ANKEF1: variants seen among roughly 807,000 people sequenced by gnomAD.
The protein encoded by ANKEF1 is ankyrin repeat and EF-hand domain-containing protein 1.
In ANKEF1, 43 loss-of-function variants were observed where a neutral mutation model predicts 65.1. That is an observed-to-expected ratio of 0.66 (90% confidence interval 0.52 to 0.85). The LOEUF (loss-of-function observed/expected upper bound fraction) is 0.85, where lower values mean the gene tolerates loss of function less well. Among genes scored for constraint, ANKEF1 ranks in the 40% least tolerant of loss-of-function variants. The pLI is 0.00. For synonymous variants in ANKEF1, 316 were observed against 341.5 expected (o/e 0.93, Z 0.82); for missense variants, 934 against 952.9 (o/e 0.98, Z 0.26).
chr20:10,037,011 G>C (rs1175290031), intron 2 of ANKEF1, among the ~76,000 whole-genome samples: 1 of 152,156 alleles, frequency 6.6e-6, no homozygotes, highest in Non-Finnish European at 1.5e-5. Context: ...AGGCGATGGA[G>C]ATGTTGTGGT....
chr20:10,049,968 C>T lies in ANKEF1; in HGVS notation c.1399C>T (p.Arg467Trp). ...CTACAAGAATGTCACTGATAGCAGC[C>T]GGTTTAATAGAGATCATCCCCCAGA... ...ETYKNVTDSS[R>W]FNRDHPPEHP... Residue 467 changes from arginine to tryptophan, a missense_variant, in exon 7 of 11, where the codon CGG (arginine) becomes TGG (tryptophan). Arg to Trp is a moderately radical substitution (Grantham distance 101). Coordinates refer to ENST00000378392, the MANE Select transcript of ANKEF1 (RefSeq NM_022096.6). 1 of 1,614,094 alleles carries T rather than the reference C, an allele frequency of 6.2e-7. No individual in the cohort carries two copies. Among genetic ancestry groups the T allele is most frequent in the Non-Finnish European group, 8.5e-7 (1 of 1,179,992 alleles).
chr20:10,038,627 T>A lies in ANKEF1; in HGVS notation c.326T>A (p.Ile109Lys). Residue 109 changes from isoleucine to lysine, a missense_variant, in exon 3 of 11, where the codon ATA becomes AAA. Transcript: ENST00000378392. Reference protein sequence around the residue: ...ILAKAKADMTIVDNEGKGVLF... With the variant: ...ILAKAKADMTKVDNEGKGVLF... The stretch of plus-strand genomic sequence containing the variant: ...GCAAAGGCAAAGGCTGATATGACTA[T>A]AGTTGATAATGAAGGAAAAGGTAAA... The A allele has an allele frequency of 6.3e-7, 1 of 1,594,044 alleles. No homozygotes were observed. The highest frequency in any genetic ancestry group is 8.6e-7 in the Non-Finnish European group (1 of 1,165,538).
chr20:10,042,031 A>G (rs1370737061), intron 3 of ANKEF1, among the ~76,000 whole-genome samples: 1 of 152,150 alleles, frequency 6.6e-6, no homozygotes. Flanking sequence ...GGGCAGCTGG[A>G]CTTTTCCCCT....
chr20:10,042,082 A>G (rs1349154785), intron 3 of ANKEF1, among the ~76,000 whole-genome samples: 1 of 152,134 alleles, frequency 6.6e-6, no homozygotes, highest in Non-Finnish European at 1.5e-5. Flanking sequence ...CTTATGAGAC[A>G]CTTTCTTTGC....
rs1985143477 is a variant in ANKEF1, at chr20:10,056,281, TCGA to T, written c.*622_*624del. Reference sequence around the variant, plus strand: ...TGAATACACTTTTAACAGCCCTAGATCGATAGCCCTAGCCCTAGATAGATAGCC... The same window carrying T: ...TGAATACACTTTTAACAGCCCTAGATTAGCCCTAGCCCTAGATAGATAGCC... On this transcript the variant is annotated 3_prime_UTR_variant, in exon 11 of 11. Coordinates refer to ENST00000378392, the MANE Select transcript of ANKEF1 (RefSeq NM_022096.6). The T allele has an allele frequency of 7.1e-6, 1 of 140,586 alleles. No individual in the cohort carries two copies. The highest frequency in any genetic ancestry group is 1.6e-5 in the Non-Finnish European group (1 of 63,180). The allele number at this position is 140,586 out of a possible 1,614,324, so 8.7% of individuals were successfully genotyped here. A position where few individuals can be genotyped will look rare whatever the true frequency, so the allele number is the denominator to read the frequency against.
intron 2 of ANKEF1, 89 bp downstream of exon 2, chr20:10,035,731 A>G (rs1983801591): frequency 6.6e-6 from 1 of 152,202 alleles, no homozygotes; most frequent in Admixed American, 6.5e-5. Context: ...CCCCACCTCA[A>G]ACCCTACATT....
At chr20:10,037,907 G>A (rs570855) in intron 2 of ANKEF1, among the ~76,000 whole-genome samples, 37,631 of 152,050 alleles carry the variant, frequency 0.25, 4,900 homozygotes, top group African/African-American at 0.3. Flanking sequence ...TCTCTATTTT[G>A]CTGGTGTGAA....
In ANKEF1 at chr20:10,045,555, T is replaced by C; in HGVS notation, c.697-19T>C. The C allele has an allele frequency of 6.2e-7, 1 of 1,611,922 alleles. No individual in the cohort carries two copies. Among genetic ancestry groups the C allele is most frequent in the Non-Finnish European group, 8.5e-7 (1 of 1,178,248 alleles). ...TGTACATTCCTATTCCTCCACAATA[T>C]CCACTATTTATTTTACAGATATTGA... On this transcript the variant is annotated intron_variant, in intron 5 of 10. Transcript: ENST00000378392.
Position 10,040,247 on chromosome 20 carries a change from C to T in ANKEF1, c.346+1600C>T, listed in dbSNP as rs568428541. On this transcript the variant is annotated intron_variant, in intron 3 of 10. Transcript: ENST00000378392. The stretch of plus-strand genomic sequence containing the variant: ...TGTCTCTTCCCACATCAACAAGGCT[C>T]ACTCAGCTTGCACATCCCTCAGTTT... Among the ~76,000 whole-genome samples the T allele has an allele frequency of 1.1e-4, 16 of 152,364 alleles. No homozygotes were observed. The South Asian group carries it at 3.3e-3, about 32-fold the overall frequency.
rs1985203584 is a variant in ANKEF1, at chr20:10,056,854, T to G, written c.*1194T>G. ...CTAAAGCAGTCTCCTTTACATAAAG[T>G]CAATGAATTGTAAATATTGGTTGCA... On this transcript the variant is annotated 3_prime_UTR_variant, in exon 11 of 11. Transcript: ENST00000378392. 6.6e-6 allele frequency: 1 copy of G among 152,202 alleles called. No homozygotes were observed. The allele number at this position is 152,202 out of a possible 1,614,324, so 9.4% of individuals were successfully genotyped here. A position where few individuals can be genotyped will look rare whatever the true frequency, so the allele number is the denominator to read the frequency against.
intron 2 of ANKEF1, 149 bp downstream of exon 2, chr20:10,035,791 C>T (rs1983806541): frequency 6.6e-6 from 1 of 152,286 alleles, no homozygotes. Flanking sequence ...ATGATCCTTC[C>T]TTGTCGCACA....
chr20:10,053,330 T>C, intron 9 of ANKEF1, 55 bp downstream of exon 9: 1 of 1,513,180 alleles, frequency 6.6e-7, no homozygotes, highest in Non-Finnish European at 8.9e-7. Flanking sequence ...AAAATCTGTT[T>C]GGGGGAAGGC....
rs988989353 is a variant in ANKEF1 at position 10,053,778 on chromosome 20, G to A, written c.2034+503G>A. ...TGAATACCACTGAATTCTGGGATAC[G>A]GAGCCATTGTCTCTAGAATATCCTG... On this transcript the variant is annotated intron_variant, in intron 9 of 10. Transcript: ENST00000378392. 5.3e-5 allele frequency among the ~76,000 whole-genome samples: 8 copies of A among 152,264 alleles called. No individual in the cohort carries two copies. The East Asian group carries it at 7.7e-4, about 15-fold the overall frequency.
rs1365736302 is a variant in ANKEF1, at chr20:10,057,208, C to G, written c.*1548C>G. ...CCCTCTCTTTCCAACCTTGGAGGGA[C>G]CTTCCACAGGAGCCAGTTAGGGAGG... On this transcript the variant is annotated 3_prime_UTR_variant, in exon 11 of 11. Transcript: ENST00000378392. 1 of 152,250 alleles carries G rather than the reference C, an allele frequency of 6.6e-6. No homozygotes were observed. Among genetic ancestry groups the G allele is most frequent in the Non-Finnish European group, 1.5e-5 (1 of 68,104 alleles). 9.4% of individuals were successfully genotyped at this position (152,250 alleles called of 1,614,324 possible).
At chr20:10,055,273 T>A (rs1163216604) in intron 10 of ANKEF1, among the ~76,000 whole-genome samples, 1 of 152,056 alleles carries the variant, frequency 6.6e-6, no homozygotes, top group East Asian at 1.9e-4. Flanking sequence ...CCGACATTAT[T>A]TGTCTAGACA....
In ANKEF1 at chr20:10,054,583, C is replaced by T. The variant is rs754200419; in HGVS notation, c.2156C>T (p.Thr719Ile). The T allele has an allele frequency of 6.2e-7, 1 of 1,607,350 alleles. No homozygotes were observed. Among genetic ancestry groups the T allele is most frequent in the Non-Finnish European group, 8.5e-7 (1 of 1,177,632 alleles). The stretch of plus-strand genomic sequence containing the variant: ...GGTTATACTAAGAAAGTGGATATCA[C>T]ATTTATTCCACGGAGGGTAAGTGCT... ...TSGYTKKVDI[T>I]FIPRRIWSPE... The change falls in exon 10 of 11, where the codon ACA becomes ATA. Residue 719 changes from threonine (T) to isoleucine (I), a missense_variant. Physicochemically the swap from Thr to Ile is moderately conservative, Grantham distance 89 (BLOSUM62 -1). Coordinates refer to ENST00000378392, the MANE Select transcript of ANKEF1 (RefSeq NM_022096.6).
At position 10,043,171 on chromosome 20, in the gene ANKEF1, T is replaced by G. The variant is rs748497727; in HGVS notation, c.396T>G (p.Ala132=). 1.9e-6 allele frequency: 3 copies of G among 1,614,080 alleles called. No individual in the cohort carries two copies. The African/African-American group carries it at 4.0e-5, about 22-fold the overall frequency. The change falls in exon 4 of 11, where the codon GCT becomes GCG. Residue 132 remains alanine (A), a synonymous_variant. Coordinates refer to ENST00000378392, the MANE Select transcript of ANKEF1 (RefSeq NM_022096.6). ...CGACTAAGCGGCATTATCGCTGTGC[T>G]CTGATCGCCCTTGAACATGGTGCAG... ...ILPTKRHYRC[A]LIALEHGADV... is the part of the protein sequence containing the mutation.
chr20:10,038,118 T>C, intron 2 of ANKEF1, 140 bp from the exon 3 acceptor site: 3 of 444,428 alleles, frequency 6.8e-6, no homozygotes, highest in Non-Finnish European at 1.2e-5. Flanking sequence ...ATATTTTTGA[T>C]ATTTATGTAT....
In ANKEF1 at chr20:10,037,984, A is replaced by G. The variant is rs145881722; in HGVS notation, c.-44-274A>G. The stretch of plus-strand genomic sequence containing the variant: ...CAATTTAGTTAACCTCAGCTTCTTC[A>G]TGGTAAAATGGTAAAGTGTGATGAG... On this transcript the variant is annotated intron_variant, in intron 2 of 10. Transcript: ENST00000378392. Among the ~76,000 whole-genome samples the G allele has an allele frequency of 1.2e-4, 19 of 152,322 alleles. 1 individual carries two copies. The highest frequency in any genetic ancestry group is 3.6e-4 in the African/African-American group (15 of 41,572).
Sources: gnomAD v4.1 joint callset for allele counts (sites outside exome capture counted in the v4.1 genomes callset) on GRCh38, gnomAD v4.1.1 for gene constraint, MANE v1.5 for transcripts, NCBI Gene and HGNC (gene_info 2026-07-23, HGNC 2026-07-21) for gene names.